SORCS1: variants seen among roughly 807,000 people sequenced by gnomAD.
The protein encoded by SORCS1 is VPS10 domain-containing receptor SorCS1.
In SORCS1, 60 loss-of-function variants were observed where a neutral mutation model predicts 146.1. That is an observed-to-expected ratio of 0.41 (90% confidence interval 0.33 to 0.51). The LOEUF (loss-of-function observed/expected upper bound fraction) is 0.51. SORCS1 is among the 20% of genes least tolerant of loss of function. The pLI is 0.21. For missense variants in SORCS1, 1,352 were observed against 1,487.6 expected (o/e 0.91, Z 1.50); for synonymous variants, 637 against 584.0 (o/e 1.09, Z -1.31).
At chr10:107,023,714 A>T (rs1414305940) in intron 1 of SORCS1, among the ~76,000 whole-genome samples, 2 of 152,160 alleles carry the variant, frequency 1.3e-5, no homozygotes, top group Non-Finnish European at 2.9e-5. Context: ...TCAGTCAAGC[A>T]AGGAAAAATA....
chr10:106,976,333 G>GTTTTTTTTTGTT lies in SORCS1; in HGVS notation c.559-19754_559-19753insAACAAAAAAAAA, dbSNP rs1554901319. Among the ~76,000 whole-genome samples, 225 of 113,752 alleles carry GTTTTTTTTTGTT rather than the reference G, an allele frequency of 2.0e-3. 7 individuals are homozygous for GTTTTTTTTTGTT. The highest frequency in any genetic ancestry group is 6.8e-3 in the African/African-American group (174 of 25,490). The allele number at this position is 113,752 out of a possible 152,430, so 74.6% of individuals were successfully genotyped here. A position where few individuals can be genotyped will look rare whatever the true frequency, so the allele number is the denominator to read the frequency against. Reference sequence around the variant, plus strand: ...ATCAACTCATCATCTAGGTTTTTTTGTTTTTTTTTTTTTTTTGAGACGGAG... The same window carrying GTTTTTTTTTGTT: ...ATCAACTCATCATCTAGGTTTTTTTGTTTTTTTTTGTTTTTTTTTTTTTTTTTTGAGACGGAG... On this transcript the variant is annotated intron_variant, in intron 1 of 25. Transcript: ENST00000263054.
intron 3 of SORCS1, among the ~76,000 whole-genome samples, chr10:106,785,992 G>T (rs1167028633): frequency 6.6e-6 from 1 of 152,184 alleles, no homozygotes; most frequent in Non-Finnish European, 1.5e-5. Flanking sequence ...ATCATCTGCT[G>T]CTTTCCTCTC....
the SORCS1 span, among the ~76,000 whole-genome samples, chr10:107,181,110 AGT>A: frequency 6.6e-6 from 1 of 152,182 alleles, no homozygotes; most frequent in African/African-American, 2.4e-5. Context: ...TGAATCAGTG[AGT>A]GTGTGATGAG....
At chr10:107,080,442 G>T (rs6584791) in intron 1 of SORCS1, among the ~76,000 whole-genome samples, 74,874 of 151,892 alleles carry the variant, frequency 0.49, 19,723 homozygotes, top group African/African-American at 0.66. Context: ...GACAATTTTT[G>T]TCCTCAGGTT....
chr10:106,597,559 T>C (rs1295716959), intron 23 of SORCS1, 109 bp from the exon 24 acceptor site: 7 of 764,408 alleles, frequency 9.2e-6, no homozygotes, highest in Non-Finnish European at 1.5e-5. Context: ...ATTATACCCG[T>C]GAGTTATATA....
intron 3 of SORCS1, among the ~76,000 whole-genome samples, chr10:106,789,995 C>G (rs1398014102): frequency 6.6e-6 from 1 of 152,218 alleles, no homozygotes; most frequent in Non-Finnish European, 1.5e-5. Context: ...CATCAGATCT[C>G]TTGAGAACTC....
At chr10:106,874,571 G>A (rs1364693908) in intron 2 of SORCS1, among the ~76,000 whole-genome samples, 3 of 152,192 alleles carry the variant, frequency 2.0e-5, no homozygotes, top group Non-Finnish European at 2.9e-5. Flanking sequence ...GTTTACATAT[G>A]TACTCAGATG....
chr10:106,797,807 C>A (rs546922184), intron 3 of SORCS1, among the ~76,000 whole-genome samples: 3 of 152,156 alleles, frequency 2.0e-5, no homozygotes, highest in African/African-American at 7.2e-5. Context: ...AGTCCAGGTA[C>A]CCAGGGAGCA....
At chr10:106,591,780 ATGT>A (rs936143380) in intron 24 of SORCS1, among the ~76,000 whole-genome samples, 4 of 152,232 alleles carry the variant, frequency 2.6e-5, no homozygotes, top group African/African-American at 9.6e-5. Flanking sequence ...CAAGGGGAAG[ATGT>A]TGTCCAGGCA....
intron 18 of SORCS1, among the ~76,000 whole-genome samples, chr10:106,648,840 C>T (rs1240438567): frequency 2.6e-5 from 4 of 151,942 alleles, no homozygotes; most frequent in African/African-American, 9.7e-5. Context: ...CCCAAGACCA[C>T]CCTAGCCTGC....
At chr10:106,749,076 C>T (rs899309392) in intron 5 of SORCS1, among the ~76,000 whole-genome samples, 5 of 152,120 alleles carry the variant, frequency 3.3e-5, no homozygotes, top group African/African-American at 1.2e-4. Flanking sequence ...TTCAAAATAC[C>T]TGCACAGGTG....
chr10:106,870,479 C>G (rs1471320376), intron 2 of SORCS1, among the ~76,000 whole-genome samples: 1 of 151,992 alleles, frequency 6.6e-6, no homozygotes, highest in East Asian at 1.9e-4. Context: ...GGTACTGGTA[C>G]AAAAACAGGC....
intron 2 of SORCS1, among the ~76,000 whole-genome samples, chr10:106,923,240 T>C (rs1228144381): frequency 1.3e-5 from 2 of 152,214 alleles, no homozygotes; most frequent in African/African-American, 2.4e-5. Flanking sequence ...CAGAATGTCA[T>C]GTATTTGGAG....
intron 1 of SORCS1, among the ~76,000 whole-genome samples, chr10:106,961,014 T>C (rs1414214817): frequency 6.6e-6 from 1 of 152,214 alleles, no homozygotes; most frequent in African/African-American, 2.4e-5. Context: ...AAGGACTCTG[T>C]GAGAGGAGAA....
chr10:106,944,055 C>T (rs1954187457), intron 2 of SORCS1, among the ~76,000 whole-genome samples: 1 of 152,180 alleles, frequency 6.6e-6, no homozygotes, highest in Non-Finnish European at 1.5e-5. Context: ...TGTCATACTC[C>T]ATTTTTCCAC....
At chr10:106,712,636 G>A (rs1855083225) in intron 6 of SORCS1, among the ~76,000 whole-genome samples, 1 of 152,106 alleles carries the variant, frequency 6.6e-6, no homozygotes, top group Admixed American at 6.5e-5. Context: ...TATGCTAAAT[G>A]TTTTGAAACT....
At chr10:106,744,608 T>C (rs1857588842) in intron 5 of SORCS1, among the ~76,000 whole-genome samples, 1 of 152,214 alleles carries the variant, frequency 6.6e-6, no homozygotes, top group African/African-American at 2.4e-5. Context: ...CTATACCATA[T>C]TTTTCATGTA....
chr10:106,743,965 A>T (rs1857536205), intron 5 of SORCS1, among the ~76,000 whole-genome samples: 1 of 152,046 alleles, frequency 6.6e-6, no homozygotes, highest in South Asian at 2.1e-4. Context: ...AGACTTTTGC[A>T]TCATATCACG....
At chr10:106,935,334 C>T (rs1953656634) in intron 2 of SORCS1, among the ~76,000 whole-genome samples, 1 of 151,936 alleles carries the variant, frequency 6.6e-6, no homozygotes, top group Non-Finnish European at 1.5e-5. Flanking sequence ...AAATAAATGT[C>T]CAAAGAGATA....
Sources: gnomAD v4.1 joint callset for allele counts (sites outside exome capture counted in the v4.1 genomes callset) on GRCh38, gnomAD v4.1.1 for gene constraint, MANE v1.5 for transcripts, NCBI Gene and HGNC (gene_info 2026-07-23, HGNC 2026-07-21) for gene names.